CACNG5: variants seen among roughly 807,000 people sequenced by gnomAD.
The protein encoded by CACNG5 is calcium voltage-gated channel auxiliary subunit gamma 5, also known as voltage-dependent calcium channel gamma-5 subunit.
A neutral mutation model predicts 24.8 loss-of-function variants in CACNG5; 18 were observed. The observed-to-expected ratio is 0.73, with a 90% CI of 0.50 to 1.08. The LOEUF (loss-of-function observed/expected upper bound fraction) is 1.08, where lower values mean the gene tolerates loss of function less well. Ranked by LOEUF, CACNG5 falls within the 50% of genes least tolerant of loss-of-function variation. CACNG5 has a pLI of 0.00. For missense variants in CACNG5, 349 were observed against 367.9 expected (o/e 0.95, Z 0.42); for synonymous variants, 157 against 149.1 (o/e 1.05, Z -0.39).
At chr17:66,844,564 C>T (rs1036690715) in intron 1 of CACNG5, among the ~76,000 whole-genome samples, 1 of 152,176 alleles carries the variant, frequency 6.6e-6, no homozygotes, top group Non-Finnish European at 1.5e-5. Context: ...CATATCCTCT[C>T]CATATTGTCT....
chr17:66,837,476 T>C (rs1484585330), intron 1 of CACNG5, among the ~76,000 whole-genome samples: 1 of 152,222 alleles, frequency 6.6e-6, no homozygotes, highest in East Asian at 1.9e-4. Flanking sequence ...GGCACATGCC[T>C]GCTCTGTCAT....
At chr17:66,837,664 T>A (rs1192587671) in intron 1 of CACNG5, among the ~76,000 whole-genome samples, 3 of 152,260 alleles carry the variant, frequency 2.0e-5, no homozygotes, top group Non-Finnish European at 4.4e-5. Context: ...CATAGTCTCA[T>A]GTCAGTTACT....
intron 1 of CACNG5, among the ~76,000 whole-genome samples, chr17:66,861,782 G>A (rs943368708): frequency 1.3e-5 from 2 of 152,250 alleles, no homozygotes; most frequent in Non-Finnish European, 1.5e-5. Context: ...AGCTGGAGCT[G>A]CCAGAGGTGG....
At chr17:66,874,274 T>C (rs1263014455) in intron 1 of CACNG5, among the ~76,000 whole-genome samples, 2 of 152,196 alleles carry the variant, frequency 1.3e-5, no homozygotes, top group Non-Finnish European at 2.9e-5. Flanking sequence ...TTGGTGTTTA[T>C]TATTAGTCTC....
intron 1 of CACNG5, among the ~76,000 whole-genome samples, chr17:66,858,141 C>T (rs531289623): frequency 2.6e-5 from 4 of 152,278 alleles, no homozygotes; most frequent in African/African-American, 7.2e-5. Flanking sequence ...GGCCTTGCAA[C>T]ATCCTGCACC....
intron 1 of CACNG5, among the ~76,000 whole-genome samples, chr17:66,871,310 A>G (rs1977003900): frequency 6.6e-6 from 1 of 152,166 alleles, no homozygotes; most frequent in Non-Finnish European, 1.5e-5. Flanking sequence ...CCCCTACACC[A>G]TGAACCTTTT....
At chr17:66,882,573 C>T (rs1270958988) in intron 4 of CACNG5, among the ~76,000 whole-genome samples, 1 of 152,094 alleles carries the variant, frequency 6.6e-6, no homozygotes, top group African/African-American at 2.4e-5. Flanking sequence ...TCAAGGTGAC[C>T]TGTGCATTTT....
At chr17:66,878,691 GGA>G (rs2143115668) in intron 2 of CACNG5, among the ~76,000 whole-genome samples, 1 of 152,286 alleles carries the variant, frequency 6.6e-6, no homozygotes, top group South Asian at 2.1e-4. Context: ...CACTCAGCAT[GGA>G]GAGTTTGCAA....
At chr17:66,859,458 C>T (rs907993612) in intron 1 of CACNG5, among the ~76,000 whole-genome samples, 4 of 152,078 alleles carry the variant, frequency 2.6e-5, no homozygotes, top group Non-Finnish European at 4.4e-5. Context: ...GGCAGGAAAA[C>T]GATGCTGGGA....
intron 1 of CACNG5, among the ~76,000 whole-genome samples, chr17:66,864,057 A>G (rs892466620): frequency 1.3e-5 from 2 of 152,174 alleles, no homozygotes; most frequent in South Asian, 2.1e-4. Context: ...TGGCATTGTC[A>G]TCTTCCCCAA....
chr17:66,877,715 C>T (rs925848134), intron 2 of CACNG5, among the ~76,000 whole-genome samples, 187 bp downstream of exon 2: 7 of 152,162 alleles, frequency 4.6e-5, no homozygotes, highest in Middle Eastern at 3.2e-3. Context: ...TCCTGATTCT[C>T]GATGTCCATT....
rs1202304621 is a variant in CACNG5, at chr17:66,888,182, CTTT to C, written c.*2960_*2962del. 1.7e-4 allele frequency among the ~76,000 whole-genome samples: 20 copies of C among 118,618 alleles called. No homozygotes were observed. The highest frequency in any genetic ancestry group is 1.7e-3 in the South Asian group (6 of 3,570). 77.8% of individuals were successfully genotyped at this position (118,618 alleles called of 152,430 possible). On this transcript the variant is annotated 3_prime_UTR_variant, in exon 6 of 6. Coordinates refer to ENST00000533854, the MANE Select transcript of CACNG5 (RefSeq NM_145811.3). ...CCCACACCTGGAACTTACTACCCTA[CTTT>C]TTTTTTTTTTTTTTTTTGAGATGAT...
At chr17:66,872,445 G>A (rs1219604089) in intron 1 of CACNG5, among the ~76,000 whole-genome samples, 4 of 152,238 alleles carry the variant, frequency 2.6e-5, no homozygotes, top group Non-Finnish European at 4.4e-5. Context: ...CTGGGTGAGA[G>A]AATATGTACA....
chr17:66,840,503 T>A (rs1976551090), intron 1 of CACNG5, among the ~76,000 whole-genome samples: 2 of 152,122 alleles, frequency 1.3e-5, no homozygotes, highest in Admixed American at 1.3e-4. Flanking sequence ...CAGCACAGGC[T>A]CCATTAGCAG....
chr17:66,889,831 G>A lies in CACNG5; in HGVS notation c.*4591G>A, dbSNP rs1042338005. Among the ~76,000 whole-genome samples, 1 of 152,202 alleles carries A rather than the reference G, an allele frequency of 6.6e-6. No individual in the cohort carries two copies. Among genetic ancestry groups the A allele is most frequent in the Non-Finnish European group, 1.5e-5 (1 of 68,032 alleles). ...TGTCATCCAAAACACACCTTCACAGGACAGTTAGAAAAATGTTTGGCCAAA... is the reference window on the plus strand; with the variant it reads ...TGTCATCCAAAACACACCTTCACAGAACAGTTAGAAAAATGTTTGGCCAAA... On this transcript the variant is annotated 3_prime_UTR_variant, in exon 6 of 6. Coordinates refer to ENST00000533854, the MANE Select transcript of CACNG5 (RefSeq NM_145811.3).
At chr17:66,850,655 A>G (rs991152939) in intron 1 of CACNG5, among the ~76,000 whole-genome samples, 3 of 152,002 alleles carry the variant, frequency 2.0e-5, no homozygotes, top group Non-Finnish European at 2.9e-5. Context: ...TGCTCATTGC[A>G]GCACACTGGG....
At chr17:66,881,701 G>C (rs1300574609) in intron 4 of CACNG5, among the ~76,000 whole-genome samples, 1 of 152,164 alleles carries the variant, frequency 6.6e-6, no homozygotes, top group African/African-American at 2.4e-5. Context: ...GGACTGCAAG[G>C]GGGCCAAGAC....
chr17:66,875,314 T>G (rs1040393734), intron 1 of CACNG5, among the ~76,000 whole-genome samples: 2 of 152,102 alleles, frequency 1.3e-5, no homozygotes, highest in African/African-American at 4.8e-5. Context: ...GGTGTTTCAT[T>G]TCTCCCTCCT....
chr17:66,862,409 T>C (rs180716409), intron 1 of CACNG5, among the ~76,000 whole-genome samples: 1 of 147,624 alleles, frequency 6.8e-6, no homozygotes, highest in East Asian at 2.2e-4. Context: ...ACTTACAAGC[T>C]GCCTTAGAGA....
Sources: allele counts gnomAD v4.1 joint callset (sites outside exome capture counted in the v4.1 genomes callset), GRCh38; gene constraint gnomAD v4.1.1; transcripts MANE v1.5; gene names NCBI Gene and HGNC (gene_info 2026-07-23, HGNC 2026-07-21).